Variants in MMP16 observed in about 807,000 individuals in gnomAD.
MMP16 encodes matrix metallopeptidase 16.
Under a neutral mutation model 67.8 loss-of-function variants are expected in MMP16, and 12 were observed. That is an observed-to-expected ratio of 0.18 (90% CI 0.11 to 0.29). The LOEUF (loss-of-function observed/expected upper bound fraction) is 0.29. Ranked by LOEUF, MMP16 falls within the 10% of genes least tolerant of loss-of-function variation. MMP16 has a pLI of 1.00. For synonymous variants in MMP16, 249 were observed against 255.9 expected (o/e 0.97, Z 0.26); for missense variants, 475 against 765.7 (o/e 0.62, Z 4.48).
intron 6 of MMP16, among the ~76,000 whole-genome samples, chr8:88,094,929 GTTTTC>G (rs1277325154): frequency 6.6e-6 from 1 of 151,762 alleles, no homozygotes; most frequent in Non-Finnish European, 1.5e-5. Context: ...AAGGATTTCA[GTTTTC>G]TTTCTTTGGC....
chr8:88,326,839 T>A (rs879907422), intron 1 of MMP16: 4 of 451,496 alleles, frequency 8.9e-6, no homozygotes. Context: ...CGGCTACAAT[T>A]GTGTCTTTGA....
intron 9 of MMP16, among the ~76,000 whole-genome samples, chr8:88,043,085 G>A (rs1460365126): frequency 6.6e-6 from 1 of 152,156 alleles, no homozygotes; most frequent in African/African-American, 2.4e-5. Context: ...TTGGGTTAAA[G>A]TTTAGTAGAT....
chr8:88,102,462 C>T (rs1809161001), intron 6 of MMP16, among the ~76,000 whole-genome samples: 1 of 151,784 alleles, frequency 6.6e-6, no homozygotes, highest in Admixed American at 6.6e-5. Context: ...GGCATGCCAC[C>T]CTTCAGGAAC....
chr8:88,119,251 A>G (rs1407254356), intron 4 of MMP16, among the ~76,000 whole-genome samples: 1 of 152,096 alleles, frequency 6.6e-6, no homozygotes, highest in Non-Finnish European at 1.5e-5. Flanking sequence ...TTAGTAAAAA[A>G]TATAGGGCAG....
At chr8:88,199,832 C>T (rs1475393739) in intron 1 of MMP16, among the ~76,000 whole-genome samples, 1 of 151,912 alleles carries the variant, frequency 6.6e-6, no homozygotes, top group Admixed American at 6.6e-5. Flanking sequence ...TCTTAAAATA[C>T]TTCATCTCCT....
intron 2 of MMP16, among the ~76,000 whole-genome samples, chr8:88,187,955 G>A (rs185477353): frequency 2.6e-5 from 4 of 152,230 alleles, no homozygotes; most frequent in Admixed American, 2.6e-4. Flanking sequence ...TTCTAAGAGG[G>A]TATCCAGCTT....
intron 1 of MMP16, among the ~76,000 whole-genome samples, chr8:88,272,674 C>T (rs1474397101): frequency 6.6e-6 from 1 of 152,058 alleles, no homozygotes; most frequent in Admixed American, 6.5e-5. Flanking sequence ...GGAAAGTGGC[C>T]AAAACAAGAT....
chr8:88,179,885 A>G (rs1586191741), intron 3 of MMP16, among the ~76,000 whole-genome samples: 1 of 152,360 alleles, frequency 6.6e-6, no homozygotes, highest in East Asian at 1.9e-4. Flanking sequence ...CAGAGAAGGC[A>G]CTGGAAGAGG....
chr8:88,130,204 C>T (rs534734407), intron 4 of MMP16, among the ~76,000 whole-genome samples: 1 of 151,720 alleles, frequency 6.6e-6, no homozygotes, highest in East Asian at 1.9e-4. Flanking sequence ...TTTGTGCAGT[C>T]AAAATTAGCG....
intron 6 of MMP16, among the ~76,000 whole-genome samples, chr8:88,091,557 A>G (rs1229309895): frequency 2.7e-5 from 4 of 150,168 alleles, no homozygotes; most frequent in Admixed American, 6.6e-5. Flanking sequence ...ATTTACACAC[A>G]CAAACACACA....
intron 4 of MMP16, among the ~76,000 whole-genome samples, chr8:88,159,720 G>C (rs563512196): frequency 9.2e-5 from 14 of 152,202 alleles, no homozygotes; most frequent in African/African-American, 2.9e-4. Context: ...AGTTTTCAAA[G>C]GGAATTCTTC....
intron 3 of MMP16, among the ~76,000 whole-genome samples, chr8:88,174,974 G>A (rs1215549766): frequency 1.3e-5 from 2 of 152,128 alleles, no homozygotes; most frequent in East Asian, 1.9e-4. Context: ...GGCTGGTCTC[G>A]AACTCCTGAC....
chr8:88,267,722 A>C (rs1810496684), intron 1 of MMP16, among the ~76,000 whole-genome samples: 4 of 152,226 alleles, frequency 2.6e-5, no homozygotes, highest in Admixed American at 1.3e-4. Context: ...AGATCATGAG[A>C]AAATTCAGGT....
intron 1 of MMP16, among the ~76,000 whole-genome samples, chr8:88,296,592 T>G (rs1811016029): frequency 1.3e-5 from 2 of 152,204 alleles, no homozygotes; most frequent in African/African-American, 4.8e-5. Context: ...CCCAGCACTT[T>G]CGGAGGCGAG....
intron 1 of MMP16, among the ~76,000 whole-genome samples, chr8:88,280,746 C>T (rs564764079): frequency 9.9e-5 from 15 of 152,090 alleles, no homozygotes; most frequent in African/African-American, 2.6e-4. Context: ...ATTAGCCAGG[C>T]GTGGTGCTGG....
At chr8:88,227,722 T>C (rs142811391) in intron 1 of MMP16, among the ~76,000 whole-genome samples, 33 of 152,154 alleles carry the variant, frequency 2.2e-4, no homozygotes, top group African/African-American at 7.9e-4. Flanking sequence ...CTCAAAGGAC[T>C]TCTGAGACAC....
chr8:88,095,502 TG>T (rs886501240), intron 6 of MMP16, among the ~76,000 whole-genome samples: 5 of 151,796 alleles, frequency 3.3e-5, no homozygotes, highest in Non-Finnish European at 7.4e-5. Flanking sequence ...GTAGTAAAAA[TG>T]GGGGAACTGA....
chr8:88,287,503 C>T (rs1351817833), intron 1 of MMP16, among the ~76,000 whole-genome samples: 1 of 152,206 alleles, frequency 6.6e-6, no homozygotes, highest in Admixed American at 6.5e-5. Flanking sequence ...TTACTTCATA[C>T]ATAATACCCC....
intron 4 of MMP16, among the ~76,000 whole-genome samples, chr8:88,125,112 A>G (rs962433818): frequency 6.6e-6 from 1 of 151,748 alleles, no homozygotes; most frequent in Non-Finnish European, 1.5e-5. Context: ...AAAATTCCTC[A>G]GTCCAATTTG....
Sources: allele counts gnomAD v4.1 joint callset (sites outside exome capture counted in the v4.1 genomes callset), GRCh38; gene constraint gnomAD v4.1.1; transcripts MANE v1.5; gene names NCBI Gene and HGNC (gene_info 2026-07-23, HGNC 2026-07-21).